Variants in ZNF416 observed in about 807,000 individuals in gnomAD.
The protein encoded by ZNF416 is zinc finger protein 416.
Under a neutral mutation model 10.9 loss-of-function variants are expected in ZNF416, and 5 were observed. That is an observed-to-expected ratio of 0.46 (90% confidence interval 0.24 to 0.97). The LOEUF is 0.97. ZNF416 is among the 50% of genes least tolerant of loss of function. ZNF416 has a pLI of 0.19. For synonymous variants in ZNF416, 267 were observed against 251.8 expected (o/e 1.06, Z -0.57); for missense variants, 675 against 715.0 (o/e 0.94, Z 0.64).
In ZNF416 at chr19:57,573,568, G is replaced by T. The variant is rs751636394; in HGVS notation, c.336C>A (p.Phe112Leu). ...KIQSCDMCVPFLTDILHLTDL... is the reference protein window; with the variant it reads ...KIQSCDMCVPLLTDILHLTDL... ...CGGTCAGGTGCAAAATGTCGGTCAG[G>T]AATGGGACACACATGTCACAGGATT... Residue 112 changes from phenylalanine (F) to leucine (L), a missense_variant, in exon 4 of 4, where the codon TTC becomes TTA. By Grantham distance (22) the Phe-to-Leu change is conservative. Coordinates refer to ENST00000196489, the MANE Select transcript of ZNF416 (RefSeq NM_017879.3). 6.2e-7 allele frequency: 1 copy of T among 1,614,192 alleles called. No individual in the cohort carries two copies. Among genetic ancestry groups the T allele is most frequent in the East Asian group, 2.2e-5 (1 of 44,886 alleles).
rs1485443810 is a variant in ZNF416 at position 57,575,018 on chromosome 19, C to T, written c.202+786G>A. On this transcript the variant is annotated intron_variant, in intron 3 of 3. Transcript: ENST00000196489. The surrounding 1 kb of genome is among the most constrained non-coding windows in gnomAD (Gnocchi z 4.4). ...CAGGAAGATGGGGGCAGCACGAGGC[C>T]GGATGTCCCAGATGAAGCAATAAGC... Among the ~76,000 whole-genome samples, 2 of 152,024 alleles carry T rather than the reference C, an allele frequency of 1.3e-5. No homozygotes were observed. The highest frequency in any genetic ancestry group is 1.9e-4 in the East Asian group (1 of 5,202).
rs1704872370 is a variant in ZNF416 at position 57,572,368 on chromosome 19, G to C, written c.1536C>G (p.His512Gln). Residue 512 changes from histidine (H) to glutamine (Q), a missense_variant, in exon 4 of 4, where the codon CAC becomes CAG. Transcript: ENST00000196489. The surrounding 1 kb of genome is among the most constrained non-coding windows in gnomAD (Gnocchi z 4.5). ...FFRQSYTLVE[H>Q]QKIHTGLRPY... ...GCCTTAATCCAGTGTGAATTTTCTGGTGTTCAACGAGGGTATAGCTTTGTC... is the reference window on the plus strand; with the variant it reads ...GCCTTAATCCAGTGTGAATTTTCTGCTGTTCAACGAGGGTATAGCTTTGTC... 4 of 1,613,994 alleles carry C rather than the reference G, an allele frequency of 2.5e-6. No individual in the cohort carries two copies. The highest frequency in any genetic ancestry group is 1.7e-5 in the Admixed American group (1 of 59,998).
At position 57,575,599 on chromosome 19, in the gene ZNF416, C is replaced by G. The variant is rs746571928; in HGVS notation, c.202+205G>C. 4.6e-5 allele frequency among the ~76,000 whole-genome samples: 7 copies of G among 152,126 alleles called. No homozygotes were observed. The highest frequency in any genetic ancestry group is 2.1e-4 in the South Asian group (1 of 4,828). On this transcript the variant is annotated intron_variant, in intron 3 of 3. Coordinates refer to ENST00000196489, the MANE Select transcript of ZNF416 (RefSeq NM_017879.3). The surrounding 1 kb of genome is among the most constrained non-coding windows in gnomAD (Gnocchi z 4.4). The stretch of plus-strand genomic sequence containing the variant: ...AGATGCATTAGGCTGACTCAAGACA[C>G]CTAACAGCCAGACCCATCCCTGTGC...
chr19:57,574,428 G>A (rs1333570083), intron 3 of ZNF416, among the ~76,000 whole-genome samples: 1 of 152,078 alleles, frequency 6.6e-6, no homozygotes, highest in African/African-American at 2.4e-5. Context: ...GGCCCTGCAT[G>A]GCATGGTGTT....
At chr19:57,578,160 C>T (rs1002481433) in intron 1 of ZNF416, 62 bp from the exon 2 acceptor site, 9 of 1,558,112 alleles carry the variant, frequency 5.8e-6, no homozygotes, top group Admixed American at 3.3e-5. Flanking sequence ...TGGGCTGATG[C>T]CTCCTTGTTT....
At chr19:57,576,950 T>G (rs1020878790) in intron 2 of ZNF416, among the ~76,000 whole-genome samples, 1 of 151,824 alleles carries the variant, frequency 6.6e-6, no homozygotes, top group Non-Finnish European at 1.5e-5. Flanking sequence ...CACCCTACCA[T>G]AGCCACCTCT....
chr19:57,572,623 C>T lies in ZNF416; in HGVS notation c.1281G>A (p.Gln427=), dbSNP rs866444409. The change falls in exon 4 of 4, where the codon CAG becomes CAA. Residue 427 remains glutamine, a synonymous_variant. Transcript: ENST00000196489. The surrounding 1 kb of genome is among the most constrained non-coding windows in gnomAD (Gnocchi z 4.5). ...TAGCTCCACTGTGAATTAACTGGTG[C>T]TGAATGAGGCCACACTTTAGGCTAA... ...KSFSLKCGLI[Q]HQLIHSGARP... 2 of 1,614,090 alleles carry T rather than the reference C, an allele frequency of 1.2e-6. No homozygotes were observed. The highest frequency in any genetic ancestry group is 1.3e-5 in the African/African-American group (1 of 75,010).
chr19:57,572,731 G>C lies in ZNF416; in HGVS notation c.1173C>G (p.Phe391Leu). The C allele has an allele frequency of 1.2e-6, 2 of 1,612,528 alleles. No homozygotes were observed. The highest frequency in any genetic ancestry group is 1.7e-6 in the Non-Finnish European group (2 of 1,179,508). Residue 391 changes from phenylalanine (F) to leucine (L), a missense_variant, in exon 4 of 4, where the codon TTC becomes TTG. Phe to Leu is a conservative substitution (Grantham distance 22). Transcript: ENST00000196489. The surrounding 1 kb of genome is among the most constrained non-coding windows in gnomAD (Gnocchi z 4.5). Reference protein sequence around the residue: ...PYECGECGKLFRQSFSLVVHQ... With the variant: ...PYECGECGKLLRQSFSLVVHQ... ...GTACAACAAGGCTGAAGCTTTGTCT[G>C]AATAATTTCCCACATTCACCACACT...
chr19:57,573,508 T>C lies in ZNF416; in HGVS notation c.396A>G (p.Ala132=), dbSNP rs1469229260. The change falls in exon 4 of 4, where the codon GCA becomes GCG. Residue 132 remains alanine, a synonymous_variant. Transcript: ENST00000196489. ...TCTGGTCCTGGTGAAAGACCGCACA[T>C]GCCCCAGTCAAGTATAGTTCCTGCC... ...LPGQELYLTG[A]CAVFHQDQKH... The C allele has an allele frequency of 6.2e-7, 1 of 1,614,108 alleles. No homozygotes were observed. The highest frequency in any genetic ancestry group is 8.5e-7 in the Non-Finnish European group (1 of 1,180,050).
chr19:57,573,217 A>C lies in ZNF416; in HGVS notation c.687T>G (p.Thr229=). The change falls in exon 4 of 4, where the codon ACT becomes ACG. Residue 229 remains threonine (T), a synonymous_variant. Coordinates refer to ENST00000196489, the MANE Select transcript of ZNF416 (RefSeq NM_017879.3). ...CAGTGCAGACTCTAGGGTGAAAAAA[A>C]GTGTGTTTGTGGCTGGACTCTCTCC... ...QCRRESSHKH[T]FFHPRVCTGK... 1 of 1,614,210 alleles carries C rather than the reference A, an allele frequency of 6.2e-7. No homozygotes were observed.
Position 57,578,066 on chromosome 19 carries a change from G to C in ZNF416, c.66C>G (p.Gly22=). 6.2e-7 allele frequency: 1 copy of C among 1,614,188 alleles called. No homozygotes were observed. Among genetic ancestry groups the C allele is most frequent in the Non-Finnish European group, 8.5e-7 (1 of 1,180,030 alleles). The stretch of plus-strand genomic sequence containing the variant: ...AACACTCTCCACTCACCTGTGTAAA[G>C]CCCATAAGTTTAGCTTCTGCAGTCA... ...VPVTAEAKLM[G]FTQGCVTFED... The change falls in exon 2 of 4, where the codon GGC becomes GGG. Residue 22 remains glycine (G), a synonymous_variant. Transcript: ENST00000196489.
Position 57,573,404 on chromosome 19 carries a change from G to A in ZNF416, c.500C>T (p.Ser167Leu), listed in dbSNP as rs151324898. The change falls in exon 4 of 4, where the codon TCA (serine) becomes TTA (leucine). Residue 167 changes from serine (S) to leucine (L), a missense_variant. Physicochemically the swap from Ser to Leu is moderately radical, Grantham distance 145. Transcript: ENST00000196489. ...CTCACTGCTGGTGAAAGGCATTCCTGACTCATGGAACAGGCAGCACTGCAC... is the reference window on the plus strand; with the variant it reads ...CTCACTGCTGGTGAAAGGCATTCCTAACTCATGGAACAGGCAGCACTGCAC... ...SFVQCCLFHE[S>L]GMPFTSSEVG... 1,170 of 1,614,238 alleles carry A rather than the reference G, an allele frequency of 7.2e-4. 18 individuals are homozygous for A. In the East Asian group the frequency reaches 0.023, roughly 32 times the overall value.
chr19:57,576,045 G>A (rs1017395140), intron 2 of ZNF416, 115 bp from the exon 3 acceptor site: 38 of 1,341,742 alleles, frequency 2.8e-5, no homozygotes, highest in East Asian at 4.7e-5. Context: ...CACCTCAGAG[G>A]AGATACCAAG....
At chr19:57,578,568 G>T in intron 1 of ZNF416, 104 bp downstream of exon 1, 1 of 1,320,298 alleles carries the variant, frequency 7.6e-7, no homozygotes. Context: ...TCATAGTCCT[G>T]GACTCTAGGG....
rs1486812715 is a variant in ZNF416 at position 57,578,108 on chromosome 19, G to A, written c.34-10C>T. The A allele has an allele frequency of 9.9e-6, 16 of 1,614,092 alleles. No homozygotes were observed. In the Admixed American group the frequency reaches 2.7e-4, roughly 27 times the overall value. On this transcript the variant is annotated splice_polypyrimidine_tract_variant and intron_variant, in intron 1 of 3. Transcript: ENST00000196489. Reference sequence around the variant, plus strand: ...CTGCAGTCACGGGAACCTGCGGGAAGAGGAAGGCTATGAGAGGCAGGTAAC... The same window carrying A: ...CTGCAGTCACGGGAACCTGCGGGAAAAGGAAGGCTATGAGAGGCAGGTAAC...
At position 57,573,415 on chromosome 19, in the gene ZNF416, C is replaced by A; in HGVS notation, c.489G>T (p.Leu163=). ...MDKASFVQCC[L]FHESGMPFTS... ...TGAAAGGCATTCCTGACTCATGGAA[C>A]AGGCAGCACTGCACAAATGAGGCCT... Residue 163 remains leucine (L), a synonymous_variant, in exon 4 of 4, where the codon CTG becomes CTT. Coordinates refer to ENST00000196489, the MANE Select transcript of ZNF416 (RefSeq NM_017879.3). 8 of 1,614,244 alleles carry A rather than the reference C, an allele frequency of 5.0e-6. No individual in the cohort carries two copies. The highest frequency in any genetic ancestry group is 5.9e-6 in the Non-Finnish European group (7 of 1,180,038).
chr19:57,574,133 T>C (rs1022009098), intron 3 of ZNF416, among the ~76,000 whole-genome samples: 6 of 152,126 alleles, frequency 3.9e-5, no homozygotes, highest in African/African-American at 1.4e-4. Context: ...GCAAGGAGCA[T>C]AACAAATACA....
In ZNF416 at chr19:57,572,620, GTGC is replaced by G; in HGVS notation, c.1281_1283del (p.Gln427del). ...GCCTAGCTCCACTGTGAATTAACTG[GTGC>G]TGAATGAGGCCACACTTTAGGCTAA... On this transcript the variant is annotated inframe_deletion, in exon 4 of 4. Coordinates refer to ENST00000196489, the MANE Select transcript of ZNF416 (RefSeq NM_017879.3). This position sits in a 1 kb window ranked among gnomAD's most constrained non-coding sequence, Gnocchi z 4.5. The G allele has an allele frequency of 6.2e-7, 1 of 1,614,030 alleles. No individual in the cohort carries two copies. Among genetic ancestry groups the G allele is most frequent in the Non-Finnish European group, 8.5e-7 (1 of 1,180,024 alleles).
In ZNF416 at chr19:57,572,271, T is replaced by A; in HGVS notation, c.1633A>T (p.Thr545Ser). 6.2e-7 allele frequency: 1 copy of A among 1,614,244 alleles called. No individual in the cohort carries two copies. The highest frequency in any genetic ancestry group is 2.2e-5 in the East Asian group (1 of 44,886). ...CCACACTCATATGGCCTTTCTCCTG[T>A]GTGAACCACTTGGTGTTGAATGAGG... ...SSLIQHQVVH[T>S]GERPYECGKC... Residue 545 changes from threonine (T) to serine (S), a missense_variant, in exon 4 of 4, where the codon ACA (threonine) becomes TCA (serine). Transcript: ENST00000196489. The surrounding 1 kb of genome is among the most constrained non-coding windows in gnomAD (Gnocchi z 4.5).
Sources: allele counts gnomAD v4.1 joint callset (sites outside exome capture counted in the v4.1 genomes callset), GRCh38; gene constraint gnomAD v4.1.1; non-coding constraint Gnocchi (gnomAD v3.1); transcripts MANE v1.5; gene names NCBI Gene and HGNC (gene_info 2026-07-23, HGNC 2026-07-21).